The following KCNMA1 variants were observed in gnomAD, a reference collection of about 807,000 sequenced individuals.
KCNMA1 encodes the protein Calcium-activated potassium channel subunit alpha-1.
Under a neutral mutation model 140.0 loss-of-function variants are expected in KCNMA1, and 29 were observed. That is an observed-to-expected ratio of 0.21 (90% CI 0.15 to 0.28). The LOEUF (loss-of-function observed/expected upper bound fraction) is 0.28, where lower values mean the gene tolerates loss of function less well. KCNMA1 is among the 10% of genes least tolerant of loss of function. The probability of loss-of-function intolerance (pLI) is 1.00; values close to 1 mark genes in which losing one functional copy is unlikely to be tolerated. For missense variants in KCNMA1, 880 were observed against 1,602.2 expected (o/e 0.55, Z 7.70); for synonymous variants, 612 against 611.9 (o/e 1.00, Z 0.00).
intron 25 of KCNMA1, chr10:76,904,811 A>T (rs1342321836): frequency 6.6e-6 from 1 of 152,474 alleles, no homozygotes; most frequent in Admixed American, 6.5e-5. Flanking sequence ...AAGGCCAAGG[A>T]TGCTGTCTGA....
rs1555100721 is a variant in KCNMA1, at chr10:77,007,673, A to ATATG, written c.2092+4290_2092+4293dup. On this transcript the variant is annotated intron_variant, in intron 18 of 27. Coordinates refer to ENST00000286628, the MANE Select transcript of KCNMA1 (RefSeq NM_001161352.2). Reference sequence around the variant, plus strand: ...TGTGTGTATATATATATATATATATATATGTATCACAACATGGGAATATAT... The same window carrying ATATG: ...TGTGTGTATATATATATATATATATATATGTATGTATCACAACATGGGAATATAT... 1.9e-4 allele frequency among the ~76,000 whole-genome samples: 27 copies of ATATG among 142,502 alleles called. 1 individual carries two copies. Among genetic ancestry groups the ATATG allele is most frequent in the African/African-American group, 6.5e-4 (25 of 38,396 alleles). 93.5% of individuals were successfully genotyped at this position (142,502 alleles called of 152,430 possible).
intron 2 of KCNMA1, among the ~76,000 whole-genome samples, chr10:77,358,612 C>T (rs919948678): frequency 1.3e-5 from 2 of 152,168 alleles, no homozygotes; most frequent in Admixed American, 1.3e-4. Context: ...CTCTCTCCCT[C>T]CAGGAGCCTG....
intron 7 of KCNMA1, among the ~76,000 whole-genome samples, chr10:77,111,820 G>C (rs140099074): frequency 6.6e-6 from 1 of 152,186 alleles, no homozygotes; most frequent in Non-Finnish European, 1.5e-5. Context: ...TCTAAAAGCA[G>C]GGGGAAAGTC....
chr10:77,177,490 CTTTCT>C lies in KCNMA1; in HGVS notation c.808+5926_808+5930del, dbSNP rs3068682. Among the ~76,000 whole-genome samples, 78 of 146,668 alleles carry C rather than the reference CTTTCT, an allele frequency of 5.3e-4. 1 individual carries two copies. Among genetic ancestry groups the C allele is most frequent in the African/African-American group, 1.4e-3 (56 of 39,406 alleles). On this transcript the variant is annotated intron_variant, in intron 5 of 27. Coordinates refer to ENST00000286628, the MANE Select transcript of KCNMA1 (RefSeq NM_001161352.2). The stretch of plus-strand genomic sequence containing the variant: ...TTTCTCTTTCTCTCTTTCTGACTTT[CTTTCT>C]TTTCTTTTCTTTTCTTTTTTCTTTT...
intron 18 of KCNMA1, chr10:77,008,123 T>C: frequency 1.4e-6 from 2 of 1,451,380 alleles, no homozygotes; most frequent in Non-Finnish European, 1.9e-6. Context: ...TAAAAGAGTA[T>C]CTCTTCTAGA....
At chr10:77,405,054 G>T (rs2096424774) in intron 1 of KCNMA1, among the ~76,000 whole-genome samples, 1 of 152,274 alleles carries the variant, frequency 6.6e-6, no homozygotes, top group African/African-American at 2.4e-5. Flanking sequence ...CTTAAAATGT[G>T]CTTGAGGAAA....
intron 2 of KCNMA1, among the ~76,000 whole-genome samples, chr10:77,333,485 C>T (rs1040903536): frequency 6.6e-6 from 1 of 151,408 alleles, no homozygotes; most frequent in African/African-American, 2.4e-5. Context: ...GGCAAATAAC[C>T]CAAAGTCCTC....
At chr10:76,909,114 C>T (rs1471436865) in intron 25 of KCNMA1, among the ~76,000 whole-genome samples, 1 of 152,228 alleles carries the variant, frequency 6.6e-6, no homozygotes, top group East Asian at 1.9e-4. Flanking sequence ...CAGGCCTTGC[C>T]TCCATGCCTG....
At chr10:77,259,104 A>G (rs2061430545) in intron 2 of KCNMA1, among the ~76,000 whole-genome samples, 1 of 152,210 alleles carries the variant, frequency 6.6e-6, no homozygotes, top group Admixed American at 6.5e-5. Context: ...ACTATGAAAC[A>G]TCACATTTGA....
intron 1 of KCNMA1, among the ~76,000 whole-genome samples, chr10:77,447,595 T>G (rs1024920711): frequency 6.6e-6 from 1 of 152,200 alleles, no homozygotes; most frequent in African/African-American, 2.4e-5. Flanking sequence ...GAAATAAATA[T>G]GCCATCACAA....
At chr10:76,993,949 T>A (rs2083491777) in intron 19 of KCNMA1, among the ~76,000 whole-genome samples, 1 of 151,956 alleles carries the variant, frequency 6.6e-6, no homozygotes, top group Non-Finnish European at 1.5e-5. Context: ...TATCTCGAGG[T>A]TTCATTACCA....
chr10:77,029,052 T>C (rs1282336436), intron 15 of KCNMA1, among the ~76,000 whole-genome samples: 1 of 152,040 alleles, frequency 6.6e-6, no homozygotes, highest in East Asian at 1.9e-4. Context: ...ATAAATAATA[T>C]CATATAAAAA....
intron 2 of KCNMA1, among the ~76,000 whole-genome samples, chr10:77,396,784 C>T (rs1264327952): frequency 6.6e-6 from 1 of 152,188 alleles, no homozygotes; most frequent in East Asian, 1.9e-4. Flanking sequence ...GTAGCATATG[C>T]TTTCAGTTCA....
rs536069598 is a variant in KCNMA1, at chr10:77,100,776, C to T, written c.1223+7705G>A. 4.6e-5 allele frequency among the ~76,000 whole-genome samples: 7 copies of T among 152,262 alleles called. No homozygotes were observed. In the East Asian group the frequency reaches 5.8e-4, roughly 13 times the overall value. On this transcript the variant is annotated intron_variant, in intron 9 of 27. Transcript: ENST00000286628. ...TTGTTCCTGAGATTCTGAATCTACC[C>T]GGCAAGGATTCACCCAATCAAAGGA...
chr10:77,184,800 T>C, intron 4 of KCNMA1, 23 bp downstream of exon 4: 2 of 1,446,504 alleles, frequency 1.4e-6, no homozygotes, highest in Non-Finnish European at 1.9e-6. Context: ...ATTGTGATAC[T>C]GAACAATGTT....
At chr10:77,445,383 CACACACACACACAT>C (rs1566895798) in intron 1 of KCNMA1, among the ~76,000 whole-genome samples, 11 of 148,988 alleles carry the variant, frequency 7.4e-5, no homozygotes. Flanking sequence ...CACACACACA[CACACACACACACAT>C]ATGAAAAATA....
intron 2 of KCNMA1, among the ~76,000 whole-genome samples, chr10:77,399,036 G>A (rs1029050189): frequency 2.0e-5 from 3 of 152,118 alleles, no homozygotes; most frequent in Non-Finnish European, 4.4e-5. Context: ...GCCAGAGCAG[G>A]GGTGCAAAGA....
At chr10:76,923,276 A>C (rs1407283522) in intron 23 of KCNMA1, among the ~76,000 whole-genome samples, 1 of 152,160 alleles carries the variant, frequency 6.6e-6, no homozygotes, top group Non-Finnish European at 1.5e-5. Flanking sequence ...CCAAGCAGAC[A>C]GTCTCTTTCC....
intron 1 of KCNMA1, among the ~76,000 whole-genome samples, chr10:77,512,576 C>T (rs573759622): frequency 6.6e-6 from 1 of 152,118 alleles, no homozygotes; most frequent in Non-Finnish European, 1.5e-5. Flanking sequence ...TGGAATGTAA[C>T]CCCTAAAGAT....
Sources: allele counts gnomAD v4.1 joint callset (sites outside exome capture counted in the v4.1 genomes callset), GRCh38; gene constraint gnomAD v4.1.1; transcripts MANE v1.5; gene names NCBI Gene and HGNC (gene_info 2026-07-23, HGNC 2026-07-21).